DLGAP2: variants seen among roughly 807,000 people sequenced by gnomAD.
DLGAP2 encodes the protein DLG associated protein 2.
In DLGAP2, 26 loss-of-function variants were observed where a neutral mutation model predicts 100.3. The ratio of observed to expected loss-of-function variants is 0.26; its 90% CI spans 0.19 to 0.36. DLGAP2 has a LOEUF of 0.36. Among genes scored for constraint, DLGAP2 ranks in the 10% least tolerant of loss-of-function variants. The pLI is 1.00. For synonymous variants in DLGAP2, 886 were observed against 630.1 expected (o/e 1.41, Z -6.08); for missense variants, 1,858 against 1,453.2 (o/e 1.28, Z -4.53).
chr8:938,207 C>G (rs1017782571), intron 2 of DLGAP2, among the ~76,000 whole-genome samples: 1 of 152,054 alleles, frequency 6.6e-6, no homozygotes, highest in African/African-American at 2.4e-5. Context: ...TAAATTGAGA[C>G]AGGGTCTCTC....
At chr8:1,599,279 C>A (rs1157098591) in intron 6 of DLGAP2, among the ~76,000 whole-genome samples, 1 of 152,178 alleles carries the variant, frequency 6.6e-6, no homozygotes. Flanking sequence ...TGTTTTACTC[C>A]CAATTATGTG....
At position 1,213,474 on chromosome 8, in the gene DLGAP2, A is replaced by G. The variant is rs755596583; in HGVS notation, c.74-45377A>G. On this transcript the variant is annotated intron_variant, in intron 2 of 14. Transcript: ENST00000637795. ...TCCTTAATGTCCCAGAGTACTCACC[A>G]TATTGCTCACATTATAATGTTAAAT... Among the ~76,000 whole-genome samples, 54 of 152,292 alleles carry G rather than the reference A, an allele frequency of 3.5e-4. 1 individual carries two copies. The highest frequency in any genetic ancestry group is 3.4e-3 in the Admixed American group (52 of 15,304).
chr8:885,497 G>C (rs1231672044), intron 1 of DLGAP2, among the ~76,000 whole-genome samples: 3 of 152,130 alleles, frequency 2.0e-5, no homozygotes, highest in African/African-American at 7.2e-5. Flanking sequence ...TGCTGAAGTT[G>C]GTTATCAGTT....
intron 2 of DLGAP2, among the ~76,000 whole-genome samples, chr8:1,057,359 A>G (rs569532693): frequency 6.6e-6 from 1 of 152,354 alleles, no homozygotes; most frequent in East Asian, 1.9e-4. Flanking sequence ...TTTGAATTAC[A>G]TACAGTTCAT....
At chr8:1,039,600 T>A (rs34970341) in intron 2 of DLGAP2, among the ~76,000 whole-genome samples, 1 of 18,624 alleles carries the variant, frequency 5.4e-5, no homozygotes, top group Non-Finnish European at 9.5e-5. Context: ...GTGGTCAGCT[T>A]GGTGTGCGTG....
intron 3 of DLGAP2, among the ~76,000 whole-genome samples, chr8:1,260,447 A>T (rs925714114): frequency 1.3e-5 from 2 of 152,194 alleles, no homozygotes; most frequent in South Asian, 2.1e-4. Flanking sequence ...ACAGTGGCCC[A>T]TGTGGGGTGT....
chr8:1,021,986 T>G (rs1367490605), intron 2 of DLGAP2, among the ~76,000 whole-genome samples: 1 of 152,164 alleles, frequency 6.6e-6, no homozygotes, highest in African/African-American at 2.4e-5. Flanking sequence ...ATGGCCAAGT[T>G]GCATGTGCGA....
At chr8:1,277,587 G>A (rs1310801869) in intron 3 of DLGAP2, among the ~76,000 whole-genome samples, 2 of 152,200 alleles carry the variant, frequency 1.3e-5, no homozygotes, top group African/African-American at 4.8e-5. Context: ...GAGTATCCCA[G>A]TATCAGCCAG....
chr8:960,300 A>T lies in DLGAP2; in HGVS notation c.73+52334A>T, dbSNP rs931491165. On this transcript the variant is annotated intron_variant, in intron 2 of 14. Coordinates refer to ENST00000637795, the MANE Select transcript of DLGAP2 (RefSeq NM_001346810.2). ...GTCCATGCTGGAGTGAAGTGGCACA[A>T]TCTTGGCTCACTGCAACCTCCACCT... is the stretch of plus-strand genomic sequence containing the variant. Among the ~76,000 whole-genome samples, 125 of 130,008 alleles carry T rather than the reference A, an allele frequency of 9.6e-4. 1 individual carries two copies. Among genetic ancestry groups the T allele is most frequent in the Non-Finnish European group, 1.4e-3 (91 of 64,962 alleles). The allele number at this position is 130,008 out of a possible 152,430, so 85.3% of individuals were successfully genotyped here.
intron 3 of DLGAP2, among the ~76,000 whole-genome samples, chr8:1,283,697 G>A (rs1486839122): frequency 6.6e-6 from 1 of 152,150 alleles, no homozygotes; most frequent in Non-Finnish European, 1.5e-5. Context: ...TTTTGAAAAT[G>A]TTCATGCCCT....
intron 7 of DLGAP2, among the ~76,000 whole-genome samples, chr8:1,629,568 A>G (rs1212800206): frequency 6.6e-6 from 1 of 152,262 alleles, no homozygotes; most frequent in Admixed American, 6.5e-5. Flanking sequence ...AGAGTAACTG[A>G]AAGTCAGTGA....
intron 3 of DLGAP2, among the ~76,000 whole-genome samples, chr8:1,425,035 G>C (rs1320540283): frequency 1.3e-5 from 2 of 152,148 alleles, no homozygotes; most frequent in African/African-American, 4.8e-5. Context: ...ATGTGTAGCT[G>C]ATCTCAATTT....
chr8:825,202 A>C (rs373587244), intron 1 of DLGAP2, among the ~76,000 whole-genome samples: 2 of 152,208 alleles, frequency 1.3e-5, no homozygotes, highest in African/African-American at 4.8e-5. Context: ...CTGTCAGGAT[A>C]CATACATGCC....
intron 2 of DLGAP2, among the ~76,000 whole-genome samples, chr8:917,395 C>T (rs1009619633): frequency 6.6e-6 from 1 of 152,074 alleles, no homozygotes; most frequent in Non-Finnish European, 1.5e-5. Flanking sequence ...TGCGCCACCA[C>T]ACCCAGCTAA....
intron 3 of DLGAP2, among the ~76,000 whole-genome samples, chr8:1,342,671 C>T (rs569288329): frequency 5.9e-5 from 9 of 152,296 alleles, no homozygotes; most frequent in African/African-American, 2.2e-4. Context: ...TGTTATTTCT[C>T]ATCCCTAACT....
At chr8:1,327,045 C>T (rs1192881375) in intron 3 of DLGAP2, among the ~76,000 whole-genome samples, 2 of 152,220 alleles carry the variant, frequency 1.3e-5, no homozygotes, top group East Asian at 3.8e-4. Flanking sequence ...GTTTCCATTG[C>T]GAAAATCCCG....
At chr8:998,370 A>G (rs1800847754) in intron 2 of DLGAP2, among the ~76,000 whole-genome samples, 1 of 152,060 alleles carries the variant, frequency 6.6e-6, no homozygotes, top group Admixed American at 6.5e-5. Context: ...GCGTGGTCCT[A>G]GCTCACTGCC....
chr8:1,271,977 G>T (rs1345092303), intron 3 of DLGAP2, among the ~76,000 whole-genome samples: 1 of 152,030 alleles, frequency 6.6e-6, no homozygotes, highest in Non-Finnish European at 1.5e-5. Context: ...CACCCAGCTA[G>T]TTTTTGGATT....
chr8:867,341 A>C (rs565682922), intron 1 of DLGAP2, among the ~76,000 whole-genome samples: 1 of 152,322 alleles, frequency 6.6e-6, no homozygotes, highest in East Asian at 1.9e-4. Flanking sequence ...TGTTTTAATT[A>C]GCAAAAATAA....
Sources: gnomAD v4.1 joint callset for allele counts (sites outside exome capture counted in the v4.1 genomes callset) on GRCh38, gnomAD v4.1.1 for gene constraint, MANE v1.5 for transcripts, NCBI Gene and HGNC (gene_info 2026-07-23, HGNC 2026-07-21) for gene names.